The following TBCE variants were observed in gnomAD, a reference collection of about 807,000 sequenced individuals.
TBCE encodes tubulin folding cofactor E.
Under a neutral mutation model 77.0 loss-of-function variants are expected in TBCE, and 53 were observed. That is an observed-to-expected ratio of 0.69 (90% CI 0.55 to 0.87). The LOEUF (loss-of-function observed/expected upper bound fraction) is 0.87, where lower values mean the gene tolerates loss of function less well. Ranked by LOEUF, TBCE falls within the 40% of genes least tolerant of loss-of-function variation. The pLI, the probability that TBCE is intolerant of heterozygous loss-of-function variation, is 0.00. For synonymous variants in TBCE, 235 were observed against 241.3 expected, an observed-to-expected ratio of 0.97 and a Z score of 0.24; for missense variants, 624 against 622.4, an observed-to-expected ratio of 1.00 and a Z score of -0.03.
At chr1:235,389,849 C>G (rs763148725) in intron 2 of TBCE, among the ~76,000 whole-genome samples, 1 of 151,196 alleles carries the variant, frequency 6.6e-6, no homozygotes, top group African/African-American at 2.4e-5. Context: ...GCAGACTGGG[C>G]GTGGTGGCTC....
chr1:235,435,810 A>G lies in TBCE; in HGVS notation c.803A>G (p.Asn268Ser). 1 of 1,614,160 alleles carries G rather than the reference A, an allele frequency of 6.2e-7. No individual in the cohort carries two copies. The highest frequency in any genetic ancestry group is 1.7e-5 in the Admixed American group (1 of 60,020). The change falls in exon 9 of 17, where the codon AAT (asparagine) becomes AGT (serine). Residue 268 changes from asparagine to serine, a missense_variant. Coordinates refer to ENST00000642610, the MANE Select transcript of TBCE (RefSeq NM_003193.5). ...DLSSNQLIDE[N>S]QLYLIAHLPR... ...TCCTCTAATCAATTAATTGATGAAA[A>G]TCAGCTGTATCTGATAGCCCACCTG...
At chr1:235,379,996 C>T (rs1677524490) in intron 1 of TBCE, 23 bp from the exon 2 acceptor site, 2 of 1,336,180 alleles carry the variant, frequency 1.5e-6, no homozygotes, top group Non-Finnish European at 2.1e-6. Flanking sequence ...AAGTTCTTAT[C>T]AGTGTTGTAT....
At chr1:235,407,449 G>A (rs1679513743) in intron 3 of TBCE, among the ~76,000 whole-genome samples, 1 of 152,158 alleles carries the variant, frequency 6.6e-6, no homozygotes, top group Non-Finnish European at 1.5e-5. Context: ...ATTGGCACTA[G>A]TCAAGTTTTG....
chr1:235,434,724 GACGGGGTTTCACCATCTTTT>G (rs1300409255), intron 8 of TBCE, among the ~76,000 whole-genome samples: 10 of 151,788 alleles, frequency 6.6e-5, no homozygotes, highest in African/African-American at 1.2e-4. Context: ...TTTTAGTAGA[GACGGGGTTTCACCATCTTTT>G]ACGGGGTTTC....
At chr1:235,396,964 T>TTATG (rs1051926211) in intron 2 of TBCE, among the ~76,000 whole-genome samples, 1 of 151,394 alleles carries the variant, frequency 6.6e-6, no homozygotes, top group African/African-American at 2.4e-5. Context: ...GTTTATTTAT[T>TTATG]TATTTATTTA....
At chr1:235,392,162 AAAAT>A (rs970521573) in intron 2 of TBCE, among the ~76,000 whole-genome samples, 4 of 151,762 alleles carry the variant, frequency 2.6e-5, no homozygotes, top group African/African-American at 4.8e-5. Context: ...GTCTCTAGCA[AAAAT>A]AAATAAATAA....
At chr1:235,432,905 A>T (rs1681185719) in intron 7 of TBCE, 2 of 845,044 alleles carry the variant, frequency 2.4e-6, no homozygotes, top group Non-Finnish European at 3.0e-6. Flanking sequence ...AATATATAAT[A>T]ATTTTTTGTA....
In TBCE at chr1:235,437,361, C is replaced by T. The variant is rs756884517; in HGVS notation, c.1003C>T (p.Arg335Trp). 24 of 1,613,904 alleles carry T rather than the reference C, an allele frequency of 1.5e-5. No homozygotes were observed. Among genetic ancestry groups the T allele is most frequent in the South Asian group, 3.3e-5 (3 of 91,082 alleles). Reference protein sequence around the residue: ...FNELEKLPSLRALSCLRNPLT... With the variant: ...FNELEKLPSLWALSCLRNPLT... ...TGAGCTAGAGAAGTTACCAAGTCTA[C>T]GGGCTTTGTCCTGCCTAAGAAACCC... The change falls in exon 12 of 17, where the codon CGG becomes TGG. Residue 335 changes from arginine to tryptophan, a missense_variant. Arg to Trp is a moderately radical substitution (Grantham distance 101, BLOSUM62 -3). Coordinates refer to ENST00000642610, the MANE Select transcript of TBCE (RefSeq NM_003193.5).
intron 2 of TBCE, among the ~76,000 whole-genome samples, chr1:235,389,085 G>C (rs1678210806): frequency 6.6e-6 from 1 of 152,218 alleles, no homozygotes; most frequent in South Asian, 2.1e-4. Context: ...AGTCCTCCCA[G>C]CTATTGGGAG....
chr1:235,438,118 C>G (rs1007571353), intron 12 of TBCE, among the ~76,000 whole-genome samples: 1 of 152,248 alleles, frequency 6.6e-6, no homozygotes, highest in Non-Finnish European at 1.5e-5. Flanking sequence ...ATGCCTTGTC[C>G]TTGCCAGCAC....
At chr1:235,420,266 T>C (rs1382722911) in intron 5 of TBCE, among the ~76,000 whole-genome samples, 2 of 151,128 alleles carry the variant, frequency 1.3e-5, no homozygotes, top group Non-Finnish European at 2.9e-5. Context: ...GACTGTGTAC[T>C]GGGAACCTAA....
chr1:235,372,750 A>G (rs1048785735), intron 1 of TBCE, among the ~76,000 whole-genome samples: 93 of 151,668 alleles, frequency 6.1e-4, no homozygotes, highest in African/African-American at 2.0e-3. Context: ...TGGTGAAACC[A>G]CGTCTCTACT....
intron 1 of TBCE, among the ~76,000 whole-genome samples, chr1:235,370,865 C>T (rs1021554189): frequency 1.3e-5 from 2 of 150,414 alleles, no homozygotes; most frequent in Non-Finnish European, 3.0e-5. Flanking sequence ...CCTCAGTCTC[C>T]TGAGTAGCTG....
chr1:235,424,261 G>A (rs1680570905), intron 5 of TBCE, among the ~76,000 whole-genome samples: 1 of 151,662 alleles, frequency 6.6e-6, no homozygotes, highest in Admixed American at 6.6e-5. Flanking sequence ...GTTAGCAGTG[G>A]CAGCAGCAGT....
chr1:235,398,392 T>A (rs965003633), intron 2 of TBCE, among the ~76,000 whole-genome samples: 1 of 151,972 alleles, frequency 6.6e-6, no homozygotes, highest in Non-Finnish European at 1.5e-5. Context: ...GTGATCCACC[T>A]GACTTGGCCT....
chr1:235,436,281 T>TA, intron 9 of TBCE, 105 bp from the exon 10 acceptor site: 2 of 1,040,594 alleles, frequency 1.9e-6, no homozygotes, highest in Non-Finnish European at 3.0e-6. Flanking sequence ...TACATGGGAT[T>TA]AAAAACCCAG....
intron 4 of TBCE, among the ~76,000 whole-genome samples, chr1:235,417,411 C>T (rs1277569623): frequency 4.6e-5 from 7 of 152,154 alleles, no homozygotes; most frequent in Non-Finnish European, 7.3e-5. Flanking sequence ...CGCGATAAAA[C>T]ACAAGTATTT....
intron 2 of TBCE, among the ~76,000 whole-genome samples, chr1:235,396,186 G>A (rs112126358): frequency 9.2e-5 from 14 of 152,158 alleles, no homozygotes; most frequent in African/African-American, 3.4e-4. Context: ...CAGCCTCCGA[G>A]TAGCTGGGAC....
At chr1:235,441,933 T>C in intron 14 of TBCE, 51 bp downstream of exon 14, 1 of 1,513,840 alleles carries the variant, frequency 6.6e-7, no homozygotes, top group Non-Finnish European at 9.2e-7. Context: ...GCTTAGGTGC[T>C]GAAACAGTTA....
Sources: allele counts gnomAD v4.1 joint callset (sites outside exome capture counted in the v4.1 genomes callset), GRCh38; gene constraint gnomAD v4.1.1; transcripts MANE v1.5; gene names NCBI Gene and HGNC (gene_info 2026-07-23, HGNC 2026-07-21).